The following RBFOX1 variants were observed in gnomAD, a reference collection of about 807,000 sequenced individuals.
The protein encoded by RBFOX1 is RNA binding fox-1 homolog 1, also known as RNA binding protein fox-1 homolog 1.
RBFOX1 carries 8 observed loss-of-function variants against 57.7 expected under a neutral mutation model. The ratio of observed to expected loss-of-function variants is 0.14; its 90% CI spans 0.08 to 0.25. The LOEUF (loss-of-function observed/expected upper bound fraction) is 0.25, where lower values mean the gene tolerates loss of function less well. RBFOX1 is among the 10% of genes least tolerant of loss of function. The pLI is 1.00. For synonymous variants in RBFOX1, 326 were observed against 222.4 expected, an observed-to-expected ratio of 1.47 and a Z score of -4.15; for missense variants, 611 against 548.5, an observed-to-expected ratio of 1.11 and a Z score of -1.14.
chr16:7,337,944 G>C (rs1027769213), intron 4 of RBFOX1, among the ~76,000 whole-genome samples: 2 of 152,202 alleles, frequency 1.3e-5, no homozygotes, highest in African/African-American at 2.4e-5. Flanking sequence ...TGGCCTCCCA[G>C]AGTACTGGGA....
At chr16:5,255,391 T>TCC (rs2062566762) in intron 1 of RBFOX1, among the ~76,000 whole-genome samples, 1 of 151,206 alleles carries the variant, frequency 6.6e-6, no homozygotes, top group East Asian at 2.0e-4. Flanking sequence ...CAGACATGCA[T>TCC]ACATCCATCC....
At chr16:6,510,976 C>T (rs879646485) in intron 2 of RBFOX1, among the ~76,000 whole-genome samples, 3 of 152,134 alleles carry the variant, frequency 2.0e-5, no homozygotes, top group South Asian at 2.1e-4. Flanking sequence ...TTCTGTCTCC[C>T]ACGGCAGCAT....
intron 3 of RBFOX1, among the ~76,000 whole-genome samples, chr16:6,999,169 T>A (rs1034364858): frequency 2.3e-5 from 3 of 128,032 alleles, no homozygotes; most frequent in Non-Finnish European, 4.9e-5. Context: ...GAGCCTGGCC[T>A]TTTTATTTTA....
chr16:6,770,032 A>G (rs1334093783), intron 3 of RBFOX1, among the ~76,000 whole-genome samples: 2 of 152,158 alleles, frequency 1.3e-5, no homozygotes, highest in Admixed American at 1.3e-4. Context: ...AGGATGGTTG[A>G]CAGGACTTTT....
intron 2 of RBFOX1, among the ~76,000 whole-genome samples, chr16:6,635,276 G>C (rs1451827901): frequency 6.6e-6 from 1 of 151,426 alleles, no homozygotes; most frequent in East Asian, 1.9e-4. Flanking sequence ...TGGAACATTA[G>C]TTCTTGTTGT....
intron 4 of RBFOX1, among the ~76,000 whole-genome samples, chr16:7,364,589 A>C (rs1331592305): frequency 5.3e-5 from 8 of 149,610 alleles, no homozygotes; most frequent in African/African-American, 9.9e-5. Flanking sequence ...AAAAAAAAAA[A>C]CAAAAAAAAA....
At chr16:6,119,381 T>A (rs1329426979) in intron 1 of RBFOX1, among the ~76,000 whole-genome samples, 1 of 152,220 alleles carries the variant, frequency 6.6e-6, no homozygotes, top group Non-Finnish European at 1.5e-5. Context: ...GGGTCAACGA[T>A]GTCTTTATAT....
intron 3 of RBFOX1, among the ~76,000 whole-genome samples, chr16:6,668,339 G>A (rs1248867928): frequency 6.6e-6 from 1 of 152,178 alleles, no homozygotes; most frequent in Non-Finnish European, 1.5e-5. Flanking sequence ...GAGCCACAGG[G>A]CACCTGCCAG....
At chr16:6,967,515 G>A (rs1359098578) in intron 3 of RBFOX1, among the ~76,000 whole-genome samples, 1 of 152,106 alleles carries the variant, frequency 6.6e-6, no homozygotes, top group Non-Finnish European at 1.5e-5. Context: ...AGAAAAACAG[G>A]AACCCTTTCA....
chr16:6,598,165 AT>A (rs1482000190), intron 2 of RBFOX1, among the ~76,000 whole-genome samples: 1 of 152,242 alleles, frequency 6.6e-6, no homozygotes, highest in African/African-American at 2.4e-5. Context: ...TCTGTTTCCT[AT>A]ATGCAGAACA....
chr16:7,078,425 G>A (rs2058634417), intron 4 of RBFOX1, among the ~76,000 whole-genome samples: 1 of 152,148 alleles, frequency 6.6e-6, no homozygotes, highest in Non-Finnish European at 1.5e-5. Context: ...TTGGCTCACT[G>A]AAACCTCCGC....
chr16:6,102,887 A>T (rs2096331167), intron 1 of RBFOX1, among the ~76,000 whole-genome samples: 1 of 151,954 alleles, frequency 6.6e-6, no homozygotes, highest in Non-Finnish European at 1.5e-5. Flanking sequence ...ACTTGGGGTC[A>T]TTTGGGGTTT....
At chr16:7,469,417 C>G (rs1358074335) in intron 4 of RBFOX1, among the ~76,000 whole-genome samples, 1 of 152,154 alleles carries the variant, frequency 6.6e-6, no homozygotes, top group East Asian at 1.9e-4. Flanking sequence ...GTCTCATCTT[C>G]AGACCTTTGC....
chr16:6,187,326 G>A (rs1358910783), intron 1 of RBFOX1, among the ~76,000 whole-genome samples: 2 of 152,066 alleles, frequency 1.3e-5, no homozygotes, highest in Non-Finnish European at 1.5e-5. Context: ...AAAGAGTAGA[G>A]GAGGGATATT....
At chr16:7,710,070 A>C (rs1293441902) in intron 15 of RBFOX1, 2 of 1,000,424 alleles carry the variant, frequency 2.0e-6, no homozygotes, top group African/African-American at 3.5e-5. Flanking sequence ...AAATTCAGCC[A>C]TGATTTGGAA....
intron 3 of RBFOX1, among the ~76,000 whole-genome samples, chr16:6,926,048 T>A (rs1371268613): frequency 6.6e-6 from 1 of 152,066 alleles, no homozygotes; most frequent in Non-Finnish European, 1.5e-5. Context: ...GTGGCTCGTG[T>A]TAGTCCCAGC....
chr16:6,694,837 C>G (rs568965341), intron 3 of RBFOX1, among the ~76,000 whole-genome samples: 137 of 152,026 alleles, frequency 9.0e-4, no homozygotes, highest in Non-Finnish European at 1.7e-3. Context: ...TTGGACAGAC[C>G]TGGTCTAGAG....
intron 3 of RBFOX1, among the ~76,000 whole-genome samples, chr16:6,793,283 C>G (rs2083320441): frequency 6.6e-6 from 1 of 152,104 alleles, no homozygotes; most frequent in Non-Finnish European, 1.5e-5. Context: ...CCCTGTTAGG[C>G]TTAGATTTTA....
chr16:6,549,722 A>AC (rs1209650673), intron 2 of RBFOX1, among the ~76,000 whole-genome samples: 1 of 152,042 alleles, frequency 6.6e-6, no homozygotes, highest in Admixed American at 6.5e-5. Context: ...CAGCCTCATG[A>AC]CCTACAGAGT....
Sources: allele counts gnomAD v4.1 joint callset (sites outside exome capture counted in the v4.1 genomes callset), GRCh38; gene constraint gnomAD v4.1.1; transcripts MANE v1.5; gene names NCBI Gene and HGNC (gene_info 2026-07-23, HGNC 2026-07-21).